The following ROBO2 variants were observed in gnomAD, a reference collection of about 807,000 sequenced individuals.
ROBO2 encodes roundabout homolog 2.
In ROBO2, 53 loss-of-function variants were observed where a neutral mutation model predicts 160.8. That is an observed-to-expected ratio of 0.33 (90% CI 0.26 to 0.41). The LOEUF is 0.41. Ranked by LOEUF, ROBO2 falls within the 10% of genes least tolerant of loss-of-function variation. The pLI, the probability that ROBO2 is intolerant of heterozygous loss-of-function variation, is 1.00. For synonymous variants in ROBO2, 664 were observed against 611.7 expected (o/e 1.09, Z -1.26); for missense variants, 1,577 against 1,722.4 (o/e 0.92, Z 1.49).
chr3:76,715,564 T>C (rs2093366533), intron 2 of ROBO2, among the ~76,000 whole-genome samples: 1 of 152,214 alleles, frequency 6.6e-6, no homozygotes, highest in African/African-American at 2.4e-5. Flanking sequence ...TCTTGGTCCA[T>C]GGTCTGTAAT....
chr3:76,798,189 AAAAAG>A (rs1560579889), intron 2 of ROBO2, among the ~76,000 whole-genome samples: 11 of 149,860 alleles, frequency 7.3e-5, no homozygotes, highest in African/African-American at 2.7e-4. Context: ...AGAAAGAAAG[AAAAAG>A]AAGAAAGAAA....
At chr3:77,547,129 A>G (rs1041909667) in intron 7 of ROBO2, among the ~76,000 whole-genome samples, 2 of 152,002 alleles carry the variant, frequency 1.3e-5, no homozygotes, top group African/African-American at 4.8e-5. Flanking sequence ...CAGAGTCTCT[A>G]TGGAAAGTCA....
chr3:76,021,753 C>T (rs2066581343), intron 2 of ROBO2, among the ~76,000 whole-genome samples: 1 of 151,704 alleles, frequency 6.6e-6, no homozygotes, highest in Non-Finnish European at 1.5e-5. Flanking sequence ...ATTCCTTCAT[C>T]AAGTTGTGAT....
At chr3:77,278,026 T>A (rs1293313575) in intron 2 of ROBO2, among the ~76,000 whole-genome samples, 1 of 152,180 alleles carries the variant, frequency 6.6e-6, no homozygotes, top group East Asian at 1.9e-4. Flanking sequence ...AGTATCTCAT[T>A]GTGGTTTTGA....
At chr3:77,010,583 C>T (rs1460112429) in intron 2 of ROBO2, among the ~76,000 whole-genome samples, 1 of 152,152 alleles carries the variant, frequency 6.6e-6, no homozygotes, top group Non-Finnish European at 1.5e-5. Flanking sequence ...CTTGCCTGAA[C>T]ACATCAGTCC....
At chr3:77,342,434 T>C (rs1025992272) in intron 2 of ROBO2, among the ~76,000 whole-genome samples, 3 of 152,152 alleles carry the variant, frequency 2.0e-5, no homozygotes, top group Admixed American at 6.6e-5. Context: ...CAAGAGTTGA[T>C]TTTTAGAAAT....
chr3:76,012,509 TG>T (rs1352024932), intron 2 of ROBO2, among the ~76,000 whole-genome samples: 2 of 152,204 alleles, frequency 1.3e-5, no homozygotes, highest in Non-Finnish European at 2.9e-5. Flanking sequence ...TCAATAAGCA[TG>T]TATTGATGAC....
intron 2 of ROBO2, among the ~76,000 whole-genome samples, chr3:76,379,594 T>G (rs2108540757): frequency 6.6e-6 from 1 of 152,274 alleles, no homozygotes; most frequent in South Asian, 2.1e-4. Flanking sequence ...AAAACAATAT[T>G]TAAGATAAAA....
intron 8 of ROBO2, among the ~76,000 whole-genome samples, chr3:77,551,222 T>C (rs2092908887): frequency 6.6e-6 from 1 of 152,054 alleles, no homozygotes; most frequent in Non-Finnish European, 1.5e-5. Context: ...AAAAATAGAA[T>C]AGTGCATTTT....
chr3:76,864,529 G>A (rs977480104), intron 2 of ROBO2, among the ~76,000 whole-genome samples: 20 of 151,894 alleles, frequency 1.3e-4, no homozygotes, highest in Non-Finnish European at 2.8e-4. Flanking sequence ...AGAAACTCAA[G>A]TTGACATCAT....
chr3:77,615,573 A>G (rs979641347), intron 21 of ROBO2, among the ~76,000 whole-genome samples: 2 of 152,150 alleles, frequency 1.3e-5, no homozygotes, highest in East Asian at 1.9e-4. Context: ...CAGGGTGTCA[A>G]GTAGTTGGAA....
chr3:76,350,420 G>T (rs1389186608), intron 2 of ROBO2, among the ~76,000 whole-genome samples: 1 of 151,954 alleles, frequency 6.6e-6, no homozygotes, highest in Non-Finnish European at 1.5e-5. Context: ...TATATCTTCA[G>T]TTGTAATTGC....
chr3:77,048,439 A>G (rs1225750954), intron 1 of ROBO2, among the ~76,000 whole-genome samples: 1 of 151,556 alleles, frequency 6.6e-6, no homozygotes, highest in African/African-American at 2.4e-5. Flanking sequence ...GATAGTAAAC[A>G]AGAGAGGAAT....
chr3:76,467,603 C>G (rs1246331731), intron 2 of ROBO2, among the ~76,000 whole-genome samples: 2 of 152,120 alleles, frequency 1.3e-5, no homozygotes, highest in Admixed American at 6.6e-5. Context: ...GTCCATTCCT[C>G]TGTTCCACTC....
chr3:77,044,965 T>C (rs1361689320), intron 1 of ROBO2, among the ~76,000 whole-genome samples: 1 of 152,048 alleles, frequency 6.6e-6, no homozygotes, highest in Non-Finnish European at 1.5e-5. Context: ...CTTCTCTTCT[T>C]TTTTTTTCCA....
chr3:77,595,240 ACT>A, intron 18 of ROBO2, 56 bp downstream of exon 19: 1 of 1,307,250 alleles, frequency 7.6e-7, no homozygotes, highest in Non-Finnish European at 1.1e-6. Flanking sequence ...GACTGGGGAA[ACT>A]CTATAGTAAG....
chr3:77,577,579 C>G (rs1294357295), exon 15 of ROBO2: 1 of 1,613,182 alleles, frequency 6.2e-7, no homozygotes, highest in Non-Finnish European at 8.5e-7. Context: ...TCCTCCTCCT[C>G]CAGATCACCA....
intron 5 of ROBO2, among the ~76,000 whole-genome samples, chr3:77,512,377 TAA>T (rs796735170): frequency 3.8e-4 from 58 of 152,004 alleles, no homozygotes; most frequent in African/African-American, 1.2e-3. Context: ...TTGAAAGAGG[TAA>T]AAGATTTAAG....
chr3:76,140,418 TA>T (rs535198375), intron 2 of ROBO2, among the ~76,000 whole-genome samples: 3 of 152,076 alleles, frequency 2.0e-5, no homozygotes, highest in Non-Finnish European at 4.4e-5. Context: ...GCCTTATTTT[TA>T]TTAACTGATT....
Sources: gnomAD v4.1 joint callset for allele counts (sites outside exome capture counted in the v4.1 genomes callset) on GRCh38, gnomAD v4.1.1 for gene constraint, MANE v1.5 for transcripts, NCBI Gene and HGNC (gene_info 2026-07-23, HGNC 2026-07-21) for gene names.